The following RSPRY1 variants were observed in gnomAD, a reference collection of about 807,000 sequenced individuals.
The protein encoded by RSPRY1 is RING finger and SPRY domain-containing protein 1.
RSPRY1 carries 23 observed loss-of-function variants against 73.1 expected under a neutral mutation model. The ratio of observed to expected loss-of-function variants is 0.31; its 90% confidence interval spans 0.23 to 0.45. RSPRY1 has a LOEUF of 0.45. RSPRY1 is among the 20% of genes least tolerant of loss of function. The probability of loss-of-function intolerance (pLI) is 1.00; values close to 1 mark genes in which losing one functional copy is unlikely to be tolerated. For synonymous variants in RSPRY1, 226 were observed against 251.4 expected, an observed-to-expected ratio of 0.90 and a Z score of 0.95; for missense variants, 448 against 698.7, an observed-to-expected ratio of 0.64 and a Z score of 4.05.
At chr16:57,233,145 TTAC>T (rs1282292828) in intron 13 of RSPRY1, among the ~76,000 whole-genome samples, 81 of 152,354 alleles carry the variant, frequency 5.3e-4, no homozygotes, top group African/African-American at 1.9e-3. Context: ...CATGGCCCTG[TTAC>T]TACTAACTGG....
At chr16:57,209,865 G>A (rs1215130404) in intron 4 of RSPRY1, among the ~76,000 whole-genome samples, 1 of 151,832 alleles carries the variant, frequency 6.6e-6, no homozygotes, top group African/African-American at 2.4e-5. Context: ...TTTAGAGATG[G>A]GGTTTCATCA....
chr16:57,213,904 T>C lies in RSPRY1; in HGVS notation c.660T>C (p.Gly220=), dbSNP rs373754710. 13 of 1,607,676 alleles carry C rather than the reference T, an allele frequency of 8.1e-6. No individual in the cohort carries two copies. In the African/African-American group the frequency reaches 1.5e-4, roughly 18 times the overall value. Residue 220 remains glycine, a synonymous_variant, in exon 6 of 15, where the codon GGT becomes GGC. Coordinates refer to ENST00000394420, the MANE Select transcript of RSPRY1 (RefSeq NM_133368.3). Reference sequence around the variant, plus strand: ...TTTGTCTAGGTCCTGCAAGTATAGGTTTACTTAGCCCAGGAATACTGGAAT... The same window carrying C: ...TTTGTCTAGGTCCTGCAAGTATAGGCTTACTTAGCCCAGGAATACTGGAAT... ...AEKLAGPASI[G]LLSPGILEYL...
At chr16:57,212,897 T>TC in intron 4 of RSPRY1, 75 bp from the exon 5 acceptor site, 1 of 1,492,296 alleles carries the variant, frequency 6.7e-7, no homozygotes, top group South Asian at 1.3e-5. Context: ...AGCTTTTGTC[T>TC]CAAAAAAAAA....
At chr16:57,226,260 T>C (rs1014136716) in intron 10 of RSPRY1, among the ~76,000 whole-genome samples, 24 of 152,312 alleles carry the variant, frequency 1.6e-4, no homozygotes, top group African/African-American at 5.8e-4. Flanking sequence ...TGATCTGATC[T>C]TGTTACTGGA....
intron 4 of RSPRY1, 39 bp from the exon 5 acceptor site, chr16:57,212,930 TGTA>T (rs748374354): frequency 6.3e-7 from 1 of 1,597,624 alleles, no homozygotes; most frequent in South Asian, 1.1e-5. Context: ...AAACAACCTG[TGTA>T]GTATATGGGT....
rs758952599 is a variant in RSPRY1 at position 57,240,316 on chromosome 16, C to G, written c.*1341C>G. The G allele has an allele frequency of 6.6e-6, 1 of 150,566 alleles. No individual in the cohort carries two copies. The highest frequency in any genetic ancestry group is 2.4e-5 in the African/African-American group (1 of 40,898). The allele number at this position is 150,566 out of a possible 1,614,324, so 9.3% of individuals were successfully genotyped here. On this transcript the variant is annotated 3_prime_UTR_variant, in exon 15 of 15. Coordinates refer to ENST00000394420, the MANE Select transcript of RSPRY1 (RefSeq NM_133368.3). ...CATGTTGGGGTGCTGGATTTTTTTC[C>G]GTGTCTTTAGTCTTCCATAAATCCA...
intron 1 of RSPRY1, among the ~76,000 whole-genome samples, chr16:57,200,015 C>A (rs1269175243): frequency 7.1e-6 from 1 of 140,272 alleles, no homozygotes; most frequent in African/African-American, 2.7e-5. Context: ...GATAAGTGAA[C>A]AAAGGTCTCT....
chr16:57,209,292 G>T, intron 4 of RSPRY1, 105 bp downstream of exon 4: 1 of 742,176 alleles, frequency 1.3e-6, no homozygotes, highest in East Asian at 2.6e-5. Context: ...TATACATTTG[G>T]GGTCTGTTTT....
intron 14 of RSPRY1, 117 bp from the exon 15 acceptor site, chr16:57,238,762 T>C (rs2075338045): frequency 1.3e-5 from 7 of 555,464 alleles, no homozygotes; most frequent in Non-Finnish European, 1.9e-5. Context: ...AAACCATGTA[T>C]AATTAGTAAC....
intron 1 of RSPRY1, among the ~76,000 whole-genome samples, chr16:57,201,946 G>C (rs916919836): frequency 1.3e-5 from 2 of 152,186 alleles, no homozygotes; most frequent in Admixed American, 1.3e-4. Context: ...GGGGGAGACC[G>C]TGGAAAGAGA....
chr16:57,210,588 C>T (rs995561430), intron 4 of RSPRY1, among the ~76,000 whole-genome samples: 1 of 151,916 alleles, frequency 6.6e-6, no homozygotes, highest in Non-Finnish European at 1.5e-5. Flanking sequence ...GTGGCAGGCA[C>T]CTGTAATCCC....
chr16:57,204,988 A>G lies in RSPRY1; in HGVS notation c.330A>G (p.Val110=). The stretch of plus-strand genomic sequence containing the variant: ...GGCTAGTGTTGGACACACTGGCAGT[A>G]ATACGGACTCTTGTAGATAAGTAAG... ...VDGLVLDTLA[V]IRTLVDNDQE... Residue 110 remains valine (V), a synonymous_variant, in exon 2 of 15, where the codon GTA becomes GTG. Coordinates refer to ENST00000394420, the MANE Select transcript of RSPRY1 (RefSeq NM_133368.3). 6.2e-7 allele frequency: 1 copy of G among 1,613,626 alleles called. No individual in the cohort carries two copies. Among genetic ancestry groups the G allele is most frequent in the Non-Finnish European group, 8.5e-7 (1 of 1,179,612 alleles).
intron 10 of RSPRY1, chr16:57,224,430 CT>C (rs2075089855): frequency 3.3e-5 from 5 of 152,262 alleles, no homozygotes; most frequent in African/African-American, 1.2e-4. Flanking sequence ...GAGACTCAAA[CT>C]ATTCCCTGAA....
rs1344760923 is a variant in RSPRY1 at position 57,231,282 on chromosome 16, G to A, written c.1492G>A (p.Ala498Thr). ...SMKFSTFNDY[A>T]FLTAEEKIIL... ...GAAATTTAGCACTTTTAATGACTAC[G>A]CCTTCCTAACAGCTGAAGAAAAAAT... The change falls in exon 13 of 15, where the codon GCC becomes ACC. Residue 498 changes from alanine to threonine, a missense_variant. Ala to Thr is a moderately conservative substitution (Grantham distance 58, BLOSUM62 0). Coordinates refer to ENST00000394420, the MANE Select transcript of RSPRY1 (RefSeq NM_133368.3). The A allele has an allele frequency of 1.2e-6, 2 of 1,613,498 alleles. No individual in the cohort carries two copies. Among genetic ancestry groups the A allele is most frequent in the East Asian group, 2.2e-5 (1 of 44,850 alleles).
At chr16:57,209,520 C>A (rs1306533675) in intron 4 of RSPRY1, among the ~76,000 whole-genome samples, 1 of 152,042 alleles carries the variant, frequency 6.6e-6, no homozygotes, top group African/African-American at 2.4e-5. Flanking sequence ...CCCGCCACCA[C>A]ACCTGGCTGA....
intron 1 of RSPRY1, among the ~76,000 whole-genome samples, chr16:57,200,660 G>C (rs2074559210): frequency 7.3e-6 from 1 of 136,356 alleles, no homozygotes. Context: ...CCGGGCGGGG[G>C]GCTGACCCCC....
chr16:57,215,859 T>G (rs2074929607), intron 6 of RSPRY1, among the ~76,000 whole-genome samples: 1 of 152,200 alleles, frequency 6.6e-6, no homozygotes, highest in Non-Finnish European at 1.5e-5. Context: ...CAGGATACTT[T>G]TGAAATTTCC....
At position 57,216,187 on chromosome 16, in the gene RSPRY1, C is replaced by T; in HGVS notation, c.769+14C>T. 6.4e-7 allele frequency: 1 copy of T among 1,571,826 alleles called. No individual in the cohort carries two copies. The highest frequency in any genetic ancestry group is 8.7e-7 in the Non-Finnish European group (1 of 1,143,012). ...TTGCACAGACAAGTAGGTATAGTGA[C>T]TTCTTGCACTAATGATCTTCTGTAT... is the stretch of plus-strand genomic sequence containing the variant. On this transcript the variant is annotated intron_variant, in intron 7 of 14. Coordinates refer to ENST00000394420, the MANE Select transcript of RSPRY1 (RefSeq NM_133368.3).
intron 2 of RSPRY1, among the ~76,000 whole-genome samples, chr16:57,206,538 G>C (rs1186743316): frequency 6.6e-6 from 1 of 152,176 alleles, no homozygotes. Context: ...GTGCAGAATA[G>C]ACTTTGAGAG....
Sources: allele counts gnomAD v4.1 joint callset (sites outside exome capture counted in the v4.1 genomes callset), GRCh38; gene constraint gnomAD v4.1.1; transcripts MANE v1.5; gene names NCBI Gene and HGNC (gene_info 2026-07-23, HGNC 2026-07-21).